The following GRM5 variants were observed in gnomAD, a reference collection of about 807,000 sequenced individuals.
GRM5 encodes metabotropic glutamate receptor 5.
In GRM5, 19 loss-of-function variants were observed where a neutral mutation model predicts 83.1. That is an observed-to-expected ratio of 0.23 (90% confidence interval 0.16 to 0.34). The LOEUF (loss-of-function observed/expected upper bound fraction) is 0.34, where lower values mean the gene tolerates loss of function less well. Ranked by LOEUF, GRM5 falls within the 10% of genes least tolerant of loss-of-function variation. The probability of loss-of-function intolerance (pLI) is 1.00; values close to 1 mark genes in which losing one functional copy is unlikely to be tolerated. For missense variants in GRM5, 1,160 were observed against 1,588.3 expected, an observed-to-expected ratio of 0.73 and a Z score of 4.58; for synonymous variants, 675 against 633.6, an observed-to-expected ratio of 1.07 and a Z score of -0.98.
At chr11:88,677,962 AATAG>A (rs1317698245) in intron 3 of GRM5, among the ~76,000 whole-genome samples, 1 of 152,142 alleles carries the variant, frequency 6.6e-6, no homozygotes, top group Non-Finnish European at 1.5e-5. Flanking sequence ...TGTTGAAATT[AATAG>A]ATAGTATTGA....
chr11:88,793,717 A>G (rs1317840523), intron 3 of GRM5, among the ~76,000 whole-genome samples: 3 of 152,232 alleles, frequency 2.0e-5, no homozygotes, highest in African/African-American at 7.2e-5. Context: ...GGGAGGGCCA[A>G]TACGGGAGTC....
chr11:88,827,410 C>A (rs867931266), intron 3 of GRM5, among the ~76,000 whole-genome samples: 2 of 152,170 alleles, frequency 1.3e-5, no homozygotes, highest in African/African-American at 4.8e-5. Context: ...ATGGAGATTT[C>A]TAGATCTTTT....
At chr11:88,637,561 C>G (rs12421412) in intron 4 of GRM5, among the ~76,000 whole-genome samples, 2 of 149,404 alleles carry the variant, frequency 1.3e-5, no homozygotes, top group African/African-American at 4.9e-5. Context: ...AAAATGCTCA[C>G]CATCACTGGC....
At chr11:88,649,781 G>A (rs569735060) in intron 4 of GRM5, among the ~76,000 whole-genome samples, 11 of 151,592 alleles carry the variant, frequency 7.3e-5, no homozygotes, top group Admixed American at 7.3e-4. Context: ...CAACTTCCTG[G>A]CAGTATATCT....
chr11:88,759,351 CA>C, intron 3 of GRM5, among the ~76,000 whole-genome samples: 1 of 152,128 alleles, frequency 6.6e-6, no homozygotes, highest in South Asian at 2.1e-4. Flanking sequence ...CAATGACACA[CA>C]AAGGTTCAAA....
At chr11:88,549,017 G>A (rs575145749) in intron 8 of GRM5, among the ~76,000 whole-genome samples, 2 of 152,282 alleles carry the variant, frequency 1.3e-5, no homozygotes, top group African/African-American at 4.8e-5. Flanking sequence ...AACCTGATGA[G>A]TTTTATAGGA....
intron 3 of GRM5, among the ~76,000 whole-genome samples, chr11:88,677,346 C>T (rs1411648424): frequency 6.6e-6 from 1 of 152,076 alleles, no homozygotes; most frequent in Non-Finnish European, 1.5e-5. Context: ...AGTAATTCTT[C>T]TCTTTGCTTT....
At chr11:88,731,171 A>G (rs145895211) in intron 3 of GRM5, among the ~76,000 whole-genome samples, 195 of 152,072 alleles carry the variant, frequency 1.3e-3, no homozygotes, top group African/African-American at 4.5e-3. Context: ...TATGATACAC[A>G]CTTATCATAT....
At chr11:89,004,734 C>G (rs1234274709) in intron 2 of GRM5, among the ~76,000 whole-genome samples, 1 of 152,140 alleles carries the variant, frequency 6.6e-6, no homozygotes, top group Non-Finnish European at 1.5e-5. Context: ...AATTATTTTC[C>G]TCTTTCTGAA....
At chr11:88,720,682 AAAAT>A (rs1290186782) in intron 3 of GRM5, among the ~76,000 whole-genome samples, 1 of 152,074 alleles carries the variant, frequency 6.6e-6, no homozygotes, top group African/African-American at 2.4e-5. Context: ...GAAAAAGTTA[AAAAT>A]AATATTGGAG....
At chr11:88,583,134 A>C (rs2135196481) in intron 7 of GRM5, among the ~76,000 whole-genome samples, 1 of 151,912 alleles carries the variant, frequency 6.6e-6, no homozygotes, top group East Asian at 1.9e-4. Flanking sequence ...AAAAAGTCCC[A>C]AGAAAAGTAG....
chr11:88,829,100 G>A (rs563287927), intron 3 of GRM5, among the ~76,000 whole-genome samples: 1 of 151,904 alleles, frequency 6.6e-6, no homozygotes, highest in African/African-American at 2.4e-5. Flanking sequence ...ATTAGTATAC[G>A]AAAACTAAAA....
chr11:89,025,970 G>A (rs147372037), intron 2 of GRM5, among the ~76,000 whole-genome samples: 17 of 152,164 alleles, frequency 1.1e-4, no homozygotes, highest in East Asian at 1.9e-4. Context: ...TAAAAAATGC[G>A]GTACATATAC....
At chr11:88,930,805 T>C (rs1020987519) in intron 2 of GRM5, among the ~76,000 whole-genome samples, 11 of 152,102 alleles carry the variant, frequency 7.2e-5, no homozygotes, top group African/African-American at 2.7e-4. Flanking sequence ...CACCTTGGCC[T>C]CCAACAGTGC....
At chr11:88,613,172 G>C (rs1032838157) in intron 4 of GRM5, among the ~76,000 whole-genome samples, 1 of 152,126 alleles carries the variant, frequency 6.6e-6, no homozygotes, top group African/African-American at 2.4e-5. Context: ...TGTATATTCT[G>C]TTGTTTTTGG....
chr11:88,662,024 G>A (rs1939920508), intron 3 of GRM5, among the ~76,000 whole-genome samples: 1 of 152,116 alleles, frequency 6.6e-6, no homozygotes, highest in Non-Finnish European at 1.5e-5. Context: ...AAAGTAAGTA[G>A]AGGTAGATTG....
intron 8 of GRM5, among the ~76,000 whole-genome samples, chr11:88,526,472 G>T (rs952016654): frequency 3.3e-5 from 5 of 152,192 alleles, no homozygotes; most frequent in African/African-American, 4.8e-5. Flanking sequence ...TGTAGAGCTT[G>T]CAGGGGCCCA....
chr11:88,888,718 GT>G (rs1217450934), intron 2 of GRM5, among the ~76,000 whole-genome samples: 1 of 152,116 alleles, frequency 6.6e-6, no homozygotes, highest in Admixed American at 6.6e-5. Context: ...TTTCTGAAAA[GT>G]TTTAATTAAT....
chr11:88,895,447 C>T (rs567277680), intron 2 of GRM5, among the ~76,000 whole-genome samples: 1 of 151,908 alleles, frequency 6.6e-6, no homozygotes, highest in East Asian at 1.9e-4. Context: ...AAAGAGGGAA[C>T]AATAACCATG....
Sources: gnomAD v4.1 joint callset for allele counts (sites outside exome capture counted in the v4.1 genomes callset) on GRCh38, gnomAD v4.1.1 for gene constraint, MANE v1.5 for transcripts, NCBI Gene and HGNC (gene_info 2026-07-23, HGNC 2026-07-21) for gene names.